CDH9: variants seen among roughly 807,000 people sequenced by gnomAD.
CDH9 encodes cadherin 9.
Under a neutral mutation model 70.9 loss-of-function variants are expected in CDH9, and 28 were observed. The ratio of observed to expected loss-of-function variants is 0.40; its 90% CI spans 0.29 to 0.54. The LOEUF is 0.54. CDH9 is among the 20% of genes least tolerant of loss of function. The probability of loss-of-function intolerance (pLI) is 0.59; values close to 1 mark genes in which losing one functional copy is unlikely to be tolerated. For synonymous variants in CDH9, 409 were observed against 343.1 expected (o/e 1.19, Z -2.12); for missense variants, 874 against 984.4 (o/e 0.89, Z 1.50).
At chr5:26,913,062 T>C (rs1741080588) in intron 3 of CDH9, among the ~76,000 whole-genome samples, 1 of 152,118 alleles carries the variant, frequency 6.6e-6, no homozygotes, top group Non-Finnish European at 1.5e-5. Context: ...GAACTGTAAT[T>C]CCATTAAATC....
chr5:26,929,751 A>C (rs1294839717), intron 2 of CDH9, among the ~76,000 whole-genome samples: 3 of 152,112 alleles, frequency 2.0e-5, no homozygotes, highest in Non-Finnish European at 4.4e-5. Context: ...AGAAAAACCA[A>C]CTTTACATAT....
chr5:26,932,348 T>G (rs1741477548), intron 2 of CDH9, among the ~76,000 whole-genome samples: 1 of 151,820 alleles, frequency 6.6e-6, no homozygotes, highest in African/African-American at 2.4e-5. Flanking sequence ...GACCTGAATA[T>G]AATGGTATGC....
In CDH9 at chr5:26,889,853, T is replaced by G. The variant is rs767626600; in HGVS notation, c.1495A>C (p.Asn499His). ...AMYYETFVCENAKPGQLIQTV... is the reference protein window; with the variant it reads ...AMYYETFVCEHAKPGQLIQTV... ...TTATTTACCTGCCCAGGTTTTGCATTTTCACAAACAAATGTTTCATAATAC... is the reference window on the plus strand; with the variant it reads ...TTATTTACCTGCCCAGGTTTTGCATGTTCACAAACAAATGTTTCATAATAC... The change falls in exon 9 of 12, where the codon AAT becomes CAT. Residue 499 changes from asparagine (N) to histidine (H), a missense_variant. Physicochemically the swap from Asn to His is moderately conservative, Grantham distance 68 (BLOSUM62 1). Coordinates refer to ENST00000231021, the MANE Select transcript of CDH9 (RefSeq NM_016279.4). 1 of 1,592,288 alleles carries G rather than the reference T, an allele frequency of 6.3e-7. No homozygotes were observed. Among genetic ancestry groups the G allele is most frequent in the East Asian group, 2.2e-5 (1 of 44,448 alleles).
At chr5:26,975,524 A>G (rs1389027360) in intron 2 of CDH9, among the ~76,000 whole-genome samples, 1 of 152,140 alleles carries the variant, frequency 6.6e-6, no homozygotes, top group African/African-American at 2.4e-5. Context: ...ACATTTGAAA[A>G]ATTTTTAAAT....
At chr5:27,001,792 C>T (rs545164986) in intron 1 of CDH9, among the ~76,000 whole-genome samples, 2 of 151,032 alleles carry the variant, frequency 1.3e-5, no homozygotes, top group Admixed American at 1.3e-4. Context: ...GAACTTGAAG[C>T]ATCTCATAGT....
intron 2 of CDH9, among the ~76,000 whole-genome samples, chr5:26,942,559 G>A (rs1265833539): frequency 1.3e-5 from 2 of 152,162 alleles, no homozygotes; most frequent in African/African-American, 4.8e-5. Context: ...AAACTGGACT[G>A]TGATAATTCT....
At chr5:26,952,735 A>G (rs1741873738) in intron 2 of CDH9, among the ~76,000 whole-genome samples, 1 of 151,158 alleles carries the variant, frequency 6.6e-6, no homozygotes, top group Non-Finnish European at 1.5e-5. Flanking sequence ...GAATAGATGA[A>G]TCCACTCATG....
chr5:26,962,736 TTTTTA>T (rs200777284), intron 2 of CDH9, among the ~76,000 whole-genome samples: 2,632 of 152,010 alleles, frequency 0.017, 38 homozygotes, highest in Middle Eastern at 0.059. Flanking sequence ...TGTAGTCTTC[TTTTTA>T]TTTTATTTTA....
At chr5:26,979,302 T>C (rs1405760027) in intron 2 of CDH9, among the ~76,000 whole-genome samples, 5 of 151,692 alleles carry the variant, frequency 3.3e-5, no homozygotes, top group African/African-American at 9.7e-5. Context: ...CAATTTATAC[T>C]GTAACAAATT....
intron 1 of CDH9, among the ~76,000 whole-genome samples, chr5:26,997,272 T>G (rs999323212): frequency 3.3e-5 from 5 of 152,038 alleles, no homozygotes; most frequent in African/African-American, 1.2e-4. Flanking sequence ...TAAACATATA[T>G]GTATGTGTGT....
intron 1 of CDH9, among the ~76,000 whole-genome samples, chr5:26,996,705 C>T (rs1490200878): frequency 6.6e-6 from 1 of 151,194 alleles, no homozygotes; most frequent in Non-Finnish European, 1.5e-5. Flanking sequence ...CATATTTAAT[C>T]ACTAGTTTGT....
chr5:26,918,948 C>T (rs1284217079), intron 2 of CDH9, among the ~76,000 whole-genome samples: 1 of 152,026 alleles, frequency 6.6e-6, no homozygotes, highest in Admixed American at 6.6e-5. Flanking sequence ...TCTGGAGAAT[C>T]CAGGCTAATA....
intron 2 of CDH9, among the ~76,000 whole-genome samples, chr5:26,916,458 G>A (rs983743059): frequency 6.6e-6 from 1 of 151,894 alleles, no homozygotes; most frequent in South Asian, 2.1e-4. Flanking sequence ...ACTGTGGAGT[G>A]TACCGAAACC....
intron 2 of CDH9, among the ~76,000 whole-genome samples, chr5:26,921,229 T>A (rs1047393912): frequency 1.3e-5 from 2 of 151,844 alleles, no homozygotes; most frequent in Non-Finnish European, 2.9e-5. Context: ...GAAGTACCTA[T>A]GCTGAAAGGA....
chr5:27,005,934 A>G (rs1389943574), intron 1 of CDH9, among the ~76,000 whole-genome samples: 2 of 152,170 alleles, frequency 1.3e-5, no homozygotes, highest in East Asian at 1.9e-4. Context: ...ACCAAATATC[A>G]CATGTTGTCA....
intron 2 of CDH9, among the ~76,000 whole-genome samples, chr5:26,925,445 A>T (rs1741320476): frequency 1.3e-5 from 2 of 152,236 alleles, no homozygotes; most frequent in East Asian, 3.9e-4. Flanking sequence ...GATTCTAGAT[A>T]TCAGCCCTTT....
intron 1 of CDH9, among the ~76,000 whole-genome samples, chr5:26,998,649 G>C (rs1742710073): frequency 6.6e-6 from 1 of 151,920 alleles, no homozygotes; most frequent in Admixed American, 6.6e-5. Context: ...GTTACTGGGT[G>C]CAGCACACCA....
At position 26,903,728 on chromosome 5, in the gene CDH9, A is replaced by G. The variant is rs1187473917; in HGVS notation, c.908T>C (p.Met303Thr). 3.7e-6 allele frequency: 6 copies of G among 1,606,838 alleles called. No individual in the cohort carries two copies. The highest frequency in any genetic ancestry group is 5.1e-6 in the Non-Finnish European group (6 of 1,175,238). Reference protein sequence around the residue: ...NDPDVGENAEMEYSIAEGDGA... With the variant: ...NDPDVGENAETEYSIAEGDGA... The stretch of plus-strand genomic sequence containing the variant: ...ATCTCCTTCAGCAATGCTATACTCC[A>G]TTTCTGCATTTTCCCCCACGTCAGG... The change falls in exon 6 of 12, where the codon ATG (methionine) becomes ACG (threonine). Residue 303 changes from methionine (M) to threonine (T), a missense_variant. Coordinates refer to ENST00000231021, the MANE Select transcript of CDH9 (RefSeq NM_016279.4).
At chr5:27,014,562 C>T (rs1156698213) in intron 1 of CDH9, among the ~76,000 whole-genome samples, 2 of 151,786 alleles carry the variant, frequency 1.3e-5, no homozygotes, top group African/African-American at 4.8e-5. Context: ...CAGGTGTTTC[C>T]TTTCTAAAAA....
Sources: gnomAD v4.1 joint callset for allele counts (sites outside exome capture counted in the v4.1 genomes callset) on GRCh38, gnomAD v4.1.1 for gene constraint, MANE v1.5 for transcripts, NCBI Gene and HGNC (gene_info 2026-07-23, HGNC 2026-07-21) for gene names.